ATP2C1: variants seen among roughly 807,000 people sequenced by gnomAD.
ATP2C1 encodes the protein calcium-transporting ATPase type 2C member 1.
ATP2C1 carries 31 observed loss-of-function variants against 120.5 expected under a neutral mutation model. The observed-to-expected ratio is 0.26, with a 90% CI of 0.19 to 0.35. ATP2C1 has a LOEUF of 0.35. Ranked by LOEUF, ATP2C1 falls within the 10% of genes least tolerant of loss-of-function variation. The pLI is 1.00. For synonymous variants in ATP2C1, 351 were observed against 358.7 expected, an observed-to-expected ratio of 0.98 and a Z score of 0.24; for missense variants, 731 against 1,107.5, an observed-to-expected ratio of 0.66 and a Z score of 4.83.
chr3:130,874,299 A>G (rs529002202), intron 1 of ATP2C1, among the ~76,000 whole-genome samples: 5 of 152,320 alleles, frequency 3.3e-5, no homozygotes, highest in South Asian at 2.1e-4. Context: ...TGAAGTCAAT[A>G]GCCAATTTTT....
chr3:130,990,637 T>G (rs1010576395), intron 20 of ATP2C1, among the ~76,000 whole-genome samples: 1 of 152,172 alleles, frequency 6.6e-6, no homozygotes, highest in Non-Finnish European at 1.5e-5. Context: ...TCACTTCTGT[T>G]TTAACAGTGC....
chr3:130,921,667 A>AT (rs2058973549), intron 2 of ATP2C1, among the ~76,000 whole-genome samples: 1 of 151,822 alleles, frequency 6.6e-6, no homozygotes, highest in Non-Finnish European at 1.5e-5. Context: ...AAGGGCGTTG[A>AT]TTTTTGTCAG....
intron 1 of ATP2C1, among the ~76,000 whole-genome samples, chr3:130,885,437 CCT>C (rs1358771479): frequency 2.6e-5 from 4 of 151,922 alleles, no homozygotes; most frequent in Non-Finnish European, 5.9e-5. Context: ...CTTCTGTCTT[CCT>C]CTTAGTGAAG....
chr3:130,930,598 G>A, intron 3 of ATP2C1, 72 bp downstream of exon 3: 1 of 993,154 alleles, frequency 1.0e-6, no homozygotes, highest in Non-Finnish European at 1.6e-6. Flanking sequence ...AAACAGTGCT[G>A]TCTAATTTAC....
At chr3:130,962,749 A>G (rs758541930) in intron 12 of ATP2C1, among the ~76,000 whole-genome samples, 2 of 151,228 alleles carry the variant, frequency 1.3e-5, no homozygotes, top group Non-Finnish European at 3.0e-5. Context: ...AAAAAAGAAA[A>G]AAAAGGATTC....
chr3:130,850,978 G>T, intron 1 of ATP2C1: 1 of 1,054,052 alleles, frequency 9.5e-7, no homozygotes. Context: ...CTTGTTCCTT[G>T]TTGCTTTTAC....
chr3:130,895,754 A>G (rs2069569875), intron 2 of ATP2C1, among the ~76,000 whole-genome samples: 1 of 152,204 alleles, frequency 6.6e-6, no homozygotes, highest in Non-Finnish European at 1.5e-5. Context: ...TTGTCTGACT[A>G]GGACTAGTAA....
intron 11 of ATP2C1, 150 bp from the exon 12 acceptor site, chr3:130,959,123 CCT>C (rs904818025): frequency 3.1e-5 from 19 of 607,604 alleles, no homozygotes; most frequent in Non-Finnish European, 4.8e-5. Flanking sequence ...TTTAACCTCC[CCT>C]GTTTAATGGA....
In ATP2C1 at chr3:130,894,216, A is replaced by G. The variant is rs1469827143; in HGVS notation, c.-302A>G. On this transcript the variant is annotated 5_prime_UTR_variant, in exon 1 of 28. Coordinates refer to ENST00000510168, the MANE Select transcript of ATP2C1 (RefSeq NM_001378687.1). This position sits in a 1 kb window ranked among gnomAD's most constrained non-coding sequence, Gnocchi z 4.5. ...GCTCGCTTCTTCTCACGCCGGGAGCAGGCTCCCGCCTCGCACCGCTGCCCC... is the reference window on the plus strand; with the variant it reads ...GCTCGCTTCTTCTCACGCCGGGAGCGGGCTCCCGCCTCGCACCGCTGCCCC... 1.0e-6 allele frequency: 1 copy of G among 973,448 alleles called. No homozygotes were observed. The allele number at this position is 973,448 out of a possible 1,614,324, so 60.3% of individuals were successfully genotyped here.
chr3:130,851,227 C>A (rs2067665087), intron 1 of ATP2C1, among the ~76,000 whole-genome samples: 1 of 152,180 alleles, frequency 6.6e-6, no homozygotes, highest in African/African-American at 2.4e-5. Context: ...TTTTCCAATG[C>A]CTCAGATACA....
At chr3:130,851,092 T>C (rs954687998) in intron 1 of ATP2C1, among the ~76,000 whole-genome samples, 1 of 152,196 alleles carries the variant, frequency 6.6e-6, no homozygotes, top group Non-Finnish European at 1.5e-5. Context: ...AGCAGGCTTG[T>C]GAGAATTTAT....
chr3:130,900,494 A>G (rs760082850), intron 2 of ATP2C1, among the ~76,000 whole-genome samples: 3 of 152,216 alleles, frequency 2.0e-5, no homozygotes, highest in Non-Finnish European at 2.9e-5. Context: ...CCTAAATAAT[A>G]AATATATTTG....
rs1332867735 is a variant in ATP2C1 at position 131,001,813 on chromosome 3, CA to C, written c.*464del. ...TTTAGAAGTTGATTCCCAGGAGTGC[CA>C]TATTTCAGCTACTGTATTTCCTTTT... On this transcript the variant is annotated 3_prime_UTR_variant, in exon 28 of 28. Coordinates refer to ENST00000510168, the MANE Select transcript of ATP2C1 (RefSeq NM_001378687.1). 4 of 985,928 alleles carry C rather than the reference CA, an allele frequency of 4.1e-6. No homozygotes were observed. The African/African-American group carries it at 7.0e-5, about 17-fold the overall frequency. The allele number at this position is 985,928 out of a possible 1,614,324, so 61.1% of individuals were successfully genotyped here.
At chr3:130,952,318 A>T (rs550888325) in intron 8 of ATP2C1, among the ~76,000 whole-genome samples, 2 of 152,296 alleles carry the variant, frequency 1.3e-5, no homozygotes, top group East Asian at 3.9e-4. Flanking sequence ...AAGCAGTAAT[A>T]AATATTTGTT....
intron 6 of ATP2C1, among the ~76,000 whole-genome samples, chr3:130,939,857 C>G (rs191227686): frequency 6.6e-6 from 1 of 152,274 alleles, no homozygotes; most frequent in East Asian, 1.9e-4. Flanking sequence ...AAAACATTCC[C>G]AACCCTTCTA....
chr3:130,872,128 G>A (rs2068454785), intron 1 of ATP2C1, among the ~76,000 whole-genome samples: 1 of 151,912 alleles, frequency 6.6e-6, no homozygotes, highest in Non-Finnish European at 1.5e-5. Flanking sequence ...TTAAAGTGAT[G>A]TAGCAACTGA....
At chr3:130,876,145 T>C (rs1305456295) in intron 1 of ATP2C1, among the ~76,000 whole-genome samples, 1 of 152,086 alleles carries the variant, frequency 6.6e-6, no homozygotes, top group Non-Finnish European at 1.5e-5. Flanking sequence ...GTACCACTTG[T>C]CTATTTTTAT....
intron 1 of ATP2C1, among the ~76,000 whole-genome samples, chr3:130,870,950 G>A (rs537896050): frequency 5.9e-5 from 9 of 152,224 alleles, no homozygotes; most frequent in South Asian, 2.1e-4. Flanking sequence ...AATTGCCACC[G>A]CCACTTCAAC....
chr3:131,014,526 G>T lies in ATP2C1; in HGVS notation c.2630-1626G>T, dbSNP rs1334822773. The T allele has an allele frequency of 3.5e-6, 3 of 847,576 alleles. No homozygotes were observed. The African/African-American group carries it at 5.3e-5, about 15-fold the overall frequency. The allele number at this position is 847,576 out of a possible 1,614,324, so 52.5% of individuals were successfully genotyped here. ...CTATAATATTATCGAAATTACTTAA[G>T]AATAATCTGTTCTTTGAAGGAAGGA... is the stretch of plus-strand genomic sequence containing the variant. On this transcript the variant is annotated intron_variant, in intron 26 of 26. Coordinates refer to the ATP2C1 transcript ENST00000328560.
Sources: gnomAD v4.1 joint callset for allele counts (sites outside exome capture counted in the v4.1 genomes callset) on GRCh38, gnomAD v4.1.1 for gene constraint, Gnocchi (gnomAD v3.1) non-coding constraint, MANE v1.5 for transcripts, NCBI Gene and HGNC (gene_info 2026-07-23, HGNC 2026-07-21) for gene names.